USP53: variants seen among roughly 807,000 people sequenced by gnomAD.
USP53 encodes ubiquitin carboxyl-terminal hydrolase 53.
USP53 carries 71 observed loss-of-function variants against 94.9 expected under a neutral mutation model. The ratio of observed to expected loss-of-function variants is 0.75; its 90% confidence interval spans 0.62 to 0.91. USP53 has a LOEUF of 0.91. Ranked by LOEUF, USP53 falls within the 40% of genes least tolerant of loss-of-function variation. USP53 has a pLI of 0.00. For missense variants in USP53, 1,173 were observed against 1,281.0 expected (o/e 0.92, Z 1.29); for synonymous variants, 375 against 422.7 (o/e 0.89, Z 1.39).
chr4:119,221,402 C>G (rs2149266662), intron 3 of USP53: 1 of 151,770 alleles, frequency 6.6e-6, no homozygotes, highest in Non-Finnish European at 1.5e-5. Flanking sequence ...CCACTACACT[C>G]CAGCCTGGGT....
At chr4:119,245,303 A>G (rs780192759) in intron 5 of USP53, 34 bp from the exon 6 acceptor site, 3 of 1,596,614 alleles carry the variant, frequency 1.9e-6, no homozygotes, top group Admixed American at 3.5e-5. Flanking sequence ...AAATTTGTTT[A>G]TTTCTTTTTC....
At chr4:119,285,743 G>A (rs963559560) in intron 17 of USP53, among the ~76,000 whole-genome samples, 3 of 151,890 alleles carry the variant, frequency 2.0e-5, no homozygotes, top group Admixed American at 2.0e-4. Flanking sequence ...ACATTAGAAA[G>A]TATATTTAGA....
chr4:119,267,247 G>T, intron 12 of USP53, 73 bp from the exon 13 acceptor site: 1 of 1,443,442 alleles, frequency 6.9e-7, no homozygotes. Flanking sequence ...AAGTAACTCA[G>T]AGTCTGTCTT....
chr4:119,244,689 C>A (rs1014456708), intron 5 of USP53, among the ~76,000 whole-genome samples: 2 of 152,096 alleles, frequency 1.3e-5, no homozygotes, highest in Non-Finnish European at 2.9e-5. Flanking sequence ...TTGACAGTTG[C>A]CGTCTTTGGG....
chr4:119,232,068 G>A (rs1211545337), intron 3 of USP53, among the ~76,000 whole-genome samples: 4 of 152,094 alleles, frequency 2.6e-5, no homozygotes. Flanking sequence ...TGTAAGGATG[G>A]CAGTCTCAGG....
Position 119,271,920 on chromosome 4 carries a change from G to A in USP53, c.2060G>A (p.Gly687Glu), listed in dbSNP as rs1460626323. The change falls in exon 16 of 19, where the codon GGA (glycine) becomes GAA (glutamate). Residue 687 changes from glycine to glutamate, a missense_variant. Physicochemically the swap from Gly to Glu is moderately conservative, Grantham distance 98. Coordinates refer to ENST00000692078, the MANE Select transcript of USP53 (RefSeq NM_001371395.1). ...TGGCAGATGCAAAGGACTGAGTCTG[G>A]ATATGAAAGCAGTGATCACATCAGT... ...DNWQMQRTES[G>E]YESSDHISNG... 6.2e-7 allele frequency: 1 copy of A among 1,614,150 alleles called. No individual in the cohort carries two copies. Among genetic ancestry groups the A allele is most frequent in the East Asian group, 2.2e-5 (1 of 44,866 alleles).
rs199974321 is a variant in USP53 at position 119,269,815 on chromosome 4, A to T, written c.1413A>T (p.Arg471Ser). The T allele has an allele frequency of 1.1e-4, 167 of 1,499,634 alleles. 1 individual carries two copies. The East Asian group carries it at 4.1e-3, about 37-fold the overall frequency. The allele number at this position is 1,499,634 out of a possible 1,614,324, so 92.9% of individuals were successfully genotyped here. The change falls in exon 15 of 19, where the codon AGA (arginine) becomes AGT (serine). Residue 471 changes from arginine (R) to serine (S), a missense_variant. By Grantham distance (110) the Arg-to-Ser change is moderately radical. Coordinates refer to ENST00000692078, the MANE Select transcript of USP53 (RefSeq NM_001371395.1). ...GGAAAGATTTAGAGAAGGGACAAAG[A>T]AAAGATTTAGGACGACATAGAGGTA... The part of the protein sequence containing the change: ...SQRKDLEKGQ[R>S]KDLGRHRDLV...
chr4:119,274,071 T>C (rs1752233461), intron 17 of USP53, among the ~76,000 whole-genome samples: 1 of 149,774 alleles, frequency 6.7e-6, no homozygotes, highest in Non-Finnish European at 1.5e-5. Context: ...TCTTGTTTTA[T>C]TTTTTTATTA....
chr4:119,239,950 A>G (rs763622731), intron 5 of USP53, 47 bp downstream of exon 5: 1 of 1,347,978 alleles, frequency 7.4e-7, no homozygotes, highest in Non-Finnish European at 9.6e-7. Flanking sequence ...CTTTTCAGAA[A>G]ATCCTTTGTT....
chr4:119,226,688 A>G (rs908856265), intron 3 of USP53, among the ~76,000 whole-genome samples: 1 of 152,060 alleles, frequency 6.6e-6, no homozygotes, highest in Non-Finnish European at 1.5e-5. Flanking sequence ...TTTTTTTTGA[A>G]AGAGTGTGGT....
chr4:119,256,233 A>G lies in USP53; in HGVS notation c.373-13A>G, dbSNP rs770597635. On this transcript the variant is annotated splice_polypyrimidine_tract_variant and intron_variant, in intron 7 of 18. Coordinates refer to ENST00000692078, the MANE Select transcript of USP53 (RefSeq NM_001371395.1). Reference sequence around the variant, plus strand: ...GATCAACAACTCATTTATCTATTTTATTTTTAAATTAGGAAAATATGTTGG... The same window carrying G: ...GATCAACAACTCATTTATCTATTTTGTTTTTAAATTAGGAAAATATGTTGG... The G allele has an allele frequency of 1.7e-5, 27 of 1,596,252 alleles. No individual in the cohort carries two copies. The East Asian group carries it at 5.9e-4, about 35-fold the overall frequency.
At chr4:119,233,590 C>T (rs1261215891) in intron 3 of USP53, among the ~76,000 whole-genome samples, 3 of 152,040 alleles carry the variant, frequency 2.0e-5, no homozygotes, top group Non-Finnish European at 4.4e-5. Context: ...ACTTGTTGCT[C>T]ACTAGTATAT....
At chr4:119,235,112 A>G (rs1746562734) in intron 3 of USP53, among the ~76,000 whole-genome samples, 178 bp from the exon 4 acceptor site, 1 of 152,244 alleles carries the variant, frequency 6.6e-6, no homozygotes, top group African/African-American at 2.4e-5. Context: ...GCATGGAAAC[A>G]AAGTCTCCTG....
chr4:119,266,735 G>T (rs750065079), intron 12 of USP53, among the ~76,000 whole-genome samples: 3 of 151,674 alleles, frequency 2.0e-5, no homozygotes, highest in African/African-American at 7.3e-5. Context: ...TTTCTTAATG[G>T]TGTCTTTCCA....
chr4:119,286,428 A>G (rs1004174699), intron 17 of USP53, among the ~76,000 whole-genome samples: 32 of 152,042 alleles, frequency 2.1e-4, no homozygotes, highest in African/African-American at 7.2e-4. Flanking sequence ...CCTGGAGCCA[A>G]AATTCCTCAC....
chr4:119,247,980 A>AT lies in USP53; in HGVS notation c.238-758dup, dbSNP rs949497591. 6.0e-5 allele frequency among the ~76,000 whole-genome samples: 9 copies of AT among 150,186 alleles called. No homozygotes were observed. The East Asian group carries it at 7.8e-4, about 13-fold the overall frequency. On this transcript the variant is annotated intron_variant, in intron 6 of 18. Coordinates refer to ENST00000692078, the MANE Select transcript of USP53 (RefSeq NM_001371395.1). ...CTTTGTATGTTGATCTTAAAAAAAT[A>AT]TTTTTTTTTTGAGATGACATGACCC...
intron 3 of USP53, among the ~76,000 whole-genome samples, chr4:119,222,047 G>A (rs545498640): frequency 3.3e-5 from 5 of 152,126 alleles, no homozygotes; most frequent in Admixed American, 3.3e-4. Context: ...TATGAATTCT[G>A]TATTGCTATT....
In USP53 at chr4:119,271,835, A is replaced by G; in HGVS notation, c.1975A>G (p.Asn659Asp). ...AGGAAGCAGAAGTTCCCTTGAATCTAATGGAAAAGGAGCAGAGAAAAATAA... is the reference window on the plus strand; with the variant it reads ...AGGAAGCAGAAGTTCCCTTGAATCTGATGGAAAAGGAGCAGAGAAAAATAA... The part of the protein sequence containing the change: ...EIGSRSSLES[N>D]GKGAEKNKGL... Residue 659 changes from asparagine to aspartate, a missense_variant, in exon 16 of 19, where the codon AAT (asparagine) becomes GAT (aspartate). Physicochemically the swap from Asn to Asp is conservative, Grantham distance 23 (BLOSUM62 1). Transcript: ENST00000692078. 6.2e-7 allele frequency: 1 copy of G among 1,613,042 alleles called. No homozygotes were observed.
chr4:119,287,405 T>C (rs1754232453), intron 17 of USP53, among the ~76,000 whole-genome samples: 1 of 152,080 alleles, frequency 6.6e-6, no homozygotes, highest in African/African-American at 2.4e-5. Flanking sequence ...TTCTTGGAAA[T>C]TGCTTCCAAG....
Sources: gnomAD v4.1 joint callset for allele counts (sites outside exome capture counted in the v4.1 genomes callset) on GRCh38, gnomAD v4.1.1 for gene constraint, MANE v1.5 for transcripts, NCBI Gene and HGNC (gene_info 2026-07-23, HGNC 2026-07-21) for gene names.